The following DHRSX variants were observed in gnomAD, a reference collection of about 807,000 sequenced individuals.
DHRSX encodes the protein polyprenol dehydrogenase.
A neutral mutation model predicts 34.0 loss-of-function variants in DHRSX; 31 were observed. The ratio of observed to expected loss-of-function variants is 0.91; its 90% confidence interval spans 0.69 to 1.23. The LOEUF (loss-of-function observed/expected upper bound fraction) is 1.23, where lower values mean the gene tolerates loss of function less well. Ranked by LOEUF, DHRSX falls within the 50% of genes most tolerant of loss-of-function variation. The pLI, the probability that DHRSX is intolerant of heterozygous loss-of-function variation, is 0.00. For missense variants in DHRSX, 414 were observed against 428.1 expected (o/e 0.97, Z 0.29); for synonymous variants, 201 against 183.8 (o/e 1.09, Z -0.76).
intron 1 of DHRSX, among the ~76,000 whole-genome samples, chrX:2,437,692 AGAGAGAGTGTGTGTGTGTGTGT>A (rs1371244940): frequency 2.0e-4 from 16 of 79,594 alleles, no homozygotes; most frequent in Admixed American, 1.2e-3. Flanking sequence ...AGAGAGAGAG[AGAGAGAGTGTGTGTGTGTGTGT>A]GTGTGTGTGT....
chrX:2,464,205 G>T (rs765844191), intron 1 of DHRSX, among the ~76,000 whole-genome samples: 2 of 150,710 alleles, frequency 1.3e-5, no homozygotes, highest in African/African-American at 2.4e-5. Flanking sequence ...CTAAGGGACC[G>T]CCGTGTACAC....
chrX:2,390,261 G>C (rs2043320284), intron 3 of DHRSX, among the ~76,000 whole-genome samples: 1 of 149,472 alleles, frequency 6.7e-6, no homozygotes, highest in Non-Finnish European at 1.5e-5. Context: ...CTCCTGCTCA[G>C]CCTCCCAAAT....
At position 2,345,875 on chromosome X, in the gene DHRSX, C is replaced by G. The variant is rs185511103; in HGVS notation, c.287-54272G>C. Reference sequence around the variant, plus strand: ...CAGCTGGCTGGTCTACCCCATACATCTTGAGACTTGCCAGCCTCCATCACC... The same window carrying G: ...CAGCTGGCTGGTCTACCCCATACATGTTGAGACTTGCCAGCCTCCATCACC... On this transcript the variant is annotated intron_variant, in intron 3 of 6. Coordinates refer to ENST00000334651, the MANE Select transcript of DHRSX (RefSeq NM_145177.3). Among the ~76,000 whole-genome samples the G allele has an allele frequency of 4.6e-5, 7 of 152,238 alleles. No individual in the cohort carries two copies. In the East Asian group the frequency reaches 1.2e-3, roughly 25 times the overall value.
At chrX:2,250,597 C>T (rs1174255095) in intron 5 of DHRSX, among the ~76,000 whole-genome samples, 4 of 151,976 alleles carry the variant, frequency 2.6e-5, no homozygotes, top group East Asian at 1.9e-4. Flanking sequence ...TTAGAATTAG[C>T]GTATCATGAC....
chrX:2,315,177 G>C (rs1042779536), intron 3 of DHRSX, among the ~76,000 whole-genome samples: 1 of 137,580 alleles, frequency 7.3e-6, no homozygotes, highest in African/African-American at 2.9e-5. Context: ...AAAAAAAAAC[G>C]TTAGGTCTTA....
In DHRSX at chrX:2,296,909, AC is replaced by A. The variant is rs1195684040; in HGVS notation, c.287-5307del. ...ATAGGAATAGGACCCAGGCAGATAGACCCCAGGCAGATAGGAATAGGACCCA... is the reference window on the plus strand; with the variant it reads ...ATAGGAATAGGACCCAGGCAGATAGACCCAGGCAGATAGGAATAGGACCCA... On this transcript the variant is annotated intron_variant, in intron 3 of 6. Coordinates refer to ENST00000334651, the MANE Select transcript of DHRSX (RefSeq NM_145177.3). 4.6e-5 allele frequency among the ~76,000 whole-genome samples: 2 copies of A among 43,952 alleles called. 1 individual carries two copies. Among genetic ancestry groups the A allele is most frequent in the African/African-American group, 2.5e-4 (2 of 8,142 alleles). 28.8% of individuals were successfully genotyped at this position (43,952 alleles called of 152,430 possible).
intron 3 of DHRSX, among the ~76,000 whole-genome samples, chrX:2,350,547 C>T (rs1467469052): frequency 6.6e-6 from 1 of 151,970 alleles, no homozygotes; most frequent in South Asian, 2.1e-4. Flanking sequence ...CAGAAGCAGA[C>T]AGTAGAATGA....
At chrX:2,436,395 T>C (rs1364525447) in intron 1 of DHRSX, among the ~76,000 whole-genome samples, 2 of 151,360 alleles carry the variant, frequency 1.3e-5, no homozygotes, top group Admixed American at 6.6e-5. Context: ...TGTTGAGTTT[T>C]TGTTGTTTTA....
At chrX:2,322,273 G>A (rs1202417614) in intron 3 of DHRSX, among the ~76,000 whole-genome samples, 1 of 152,046 alleles carries the variant, frequency 6.6e-6, no homozygotes, top group African/African-American at 2.4e-5. Context: ...TCCTTATCAG[G>A]CGTGGTGGCT....
At chrX:2,262,186 C>T (rs1400757486) in intron 5 of DHRSX, among the ~76,000 whole-genome samples, 2 of 152,186 alleles carry the variant, frequency 1.3e-5, no homozygotes, top group African/African-American at 4.8e-5. Context: ...CCAGGCAAAC[C>T]CTTCAGCATG....
intron 1 of DHRSX, among the ~76,000 whole-genome samples, chrX:2,459,614 C>A: frequency 6.7e-6 from 1 of 149,260 alleles, no homozygotes; most frequent in Non-Finnish European, 1.5e-5. Context: ...CACACACACA[C>A]AATTATTTTT....
rs1353784516 is a variant in DHRSX, at chrX:2,398,590, C to T, written c.286+10155G>A. ...AAGTATTTAAAGGCCCATGGAAAGG[C>T]GCTTTTGCTCTTTAGTGAAAATATA... On this transcript the variant is annotated intron_variant, in intron 3 of 6. Coordinates refer to ENST00000334651, the MANE Select transcript of DHRSX (RefSeq NM_145177.3). Among the ~76,000 whole-genome samples the T allele has an allele frequency of 4.0e-5, 6 of 151,790 alleles. No individual in the cohort carries two copies. In the South Asian group the frequency reaches 6.3e-4, roughly 16 times the overall value.
At chrX:2,490,848 G>A (rs2045118362) in intron 1 of DHRSX, 1 of 1,338,574 alleles carries the variant, frequency 7.5e-7, no homozygotes, top group Non-Finnish European at 1.0e-6. Flanking sequence ...GAGACAGACA[G>A]GGTGCCGGGG....
At chrX:2,411,546 C>G (rs2043628956) in intron 2 of DHRSX, among the ~76,000 whole-genome samples, 1 of 138,086 alleles carries the variant, frequency 7.2e-6, no homozygotes, top group Non-Finnish European at 1.5e-5. Context: ...CAGAGCCCAA[C>G]TCTGTCCCAA....
intron 1 of DHRSX, among the ~76,000 whole-genome samples, chrX:2,472,336 G>T (rs946598962): frequency 6.6e-6 from 1 of 152,038 alleles, no homozygotes; most frequent in Non-Finnish European, 1.5e-5. Flanking sequence ...GAGGGTGGAG[G>T]GTGGGACAAA....
At position 2,274,615 on chromosome X, in the gene DHRSX, G is replaced by A. The variant is rs1488576411; in HGVS notation, c.389-7668C>T. On this transcript the variant is annotated intron_variant, in intron 4 of 6. Coordinates refer to ENST00000334651, the MANE Select transcript of DHRSX (RefSeq NM_145177.3). ...TTTTTTTTTTTTTGTATTTTTAGTA[G>A]AGATGGGGTTTTGTCATGTTGACCA... Among the ~76,000 whole-genome samples the A allele has an allele frequency of 2.8e-5, 4 of 144,342 alleles. No individual in the cohort carries two copies. In the East Asian group the frequency reaches 8.1e-4, roughly 29 times the overall value. 94.7% of individuals were successfully genotyped at this position (144,342 alleles called of 152,430 possible).
chrX:2,490,306 C>T (rs757251517), intron 1 of DHRSX: 5 of 1,613,478 alleles, frequency 3.1e-6, no homozygotes, highest in African/African-American at 1.3e-5. Context: ...AGGCTGGGTA[C>T]AGCCCCTCGC....
chrX:2,478,778 C>T (rs142534800), intron 1 of DHRSX, among the ~76,000 whole-genome samples: 1,599 of 151,996 alleles, frequency 0.011, 14 homozygotes, highest in Middle Eastern at 0.048. Context: ...TGTGTAGGCA[C>T]TGACGACGTT....
intron 2 of DHRSX, among the ~76,000 whole-genome samples, chrX:2,410,884 A>C (rs1231479174): frequency 2.0e-5 from 3 of 152,206 alleles, no homozygotes; most frequent in Non-Finnish European, 4.4e-5. Context: ...AAAGTTGCAG[A>C]CATCAGAAGA....
Sources: gnomAD v4.1 joint callset for allele counts (sites outside exome capture counted in the v4.1 genomes callset) on GRCh38, gnomAD v4.1.1 for gene constraint, MANE v1.5 for transcripts, NCBI Gene and HGNC (gene_info 2026-07-23, HGNC 2026-07-21) for gene names.